Variants in HS6ST3 observed in about 807,000 individuals in gnomAD.
HS6ST3 encodes the protein heparan sulfate 6-O-sulfotransferase 3.
A neutral mutation model predicts 36.7 loss-of-function variants in HS6ST3; 12 were observed. That is an observed-to-expected ratio of 0.33 (90% CI 0.21 to 0.53). The LOEUF (loss-of-function observed/expected upper bound fraction) is 0.53. HS6ST3 is among the 20% of genes least tolerant of loss of function. HS6ST3 has a pLI of 0.95. For missense variants in HS6ST3, 584 were observed against 640.9 expected, an observed-to-expected ratio of 0.91 and a Z score of 0.96; for synonymous variants, 240 against 257.5, an observed-to-expected ratio of 0.93 and a Z score of 0.65.
chr13:96,370,235 TAGGGTGGA>T (rs1315186713), intron 1 of HS6ST3, among the ~76,000 whole-genome samples: 1 of 152,186 alleles, frequency 6.6e-6, no homozygotes, highest in Admixed American at 6.5e-5. Flanking sequence ...AATATACAGC[TAGGGTGGA>T]AAACTAGCTA....
chr13:96,228,951 A>C (rs2054494251), intron 1 of HS6ST3, among the ~76,000 whole-genome samples: 1 of 151,928 alleles, frequency 6.6e-6, no homozygotes, highest in South Asian at 2.1e-4. Context: ...GTGTGAGGAG[A>C]GCAGTGTGGA....
chr13:96,643,165 T>A (rs1283372544), intron 1 of HS6ST3, among the ~76,000 whole-genome samples: 1 of 151,978 alleles, frequency 6.6e-6, no homozygotes, highest in East Asian at 1.9e-4. Flanking sequence ...ACCTTAGTGG[T>A]CAGCTAATGA....
chr13:96,559,442 A>G (rs2056253836), intron 1 of HS6ST3, among the ~76,000 whole-genome samples: 1 of 152,164 alleles, frequency 6.6e-6, no homozygotes, highest in African/African-American at 2.4e-5. Context: ...TTATTAGTCA[A>G]TAAAGCTACA....
intron 1 of HS6ST3, among the ~76,000 whole-genome samples, chr13:96,513,366 C>A (rs1003776707): frequency 6.6e-6 from 1 of 151,928 alleles, no homozygotes; most frequent in Non-Finnish European, 1.5e-5. Context: ...ATTCTTTCCC[C>A]TGTTCTCTGC....
intron 1 of HS6ST3, among the ~76,000 whole-genome samples, chr13:96,279,375 A>G (rs2054763806): frequency 1.3e-5 from 2 of 152,204 alleles, no homozygotes; most frequent in African/African-American, 4.8e-5. Flanking sequence ...TTGGTAAACA[A>G]GGTATATATG....
At chr13:96,152,090 A>G (rs541096390) in intron 1 of HS6ST3, among the ~76,000 whole-genome samples, 16 of 152,270 alleles carry the variant, frequency 1.1e-4, no homozygotes, top group Admixed American at 2.6e-4. Flanking sequence ...AATTTATCCA[A>G]TAATCTATGT....
In HS6ST3 at chr13:96,753,844, G is replaced by A. The variant is rs1594852313; in HGVS notation, c.708-78646G>A. Among the ~76,000 whole-genome samples, 4 of 151,784 alleles carry A rather than the reference G, an allele frequency of 2.6e-5. No individual in the cohort carries two copies. The South Asian group carries it at 6.2e-4, about 24-fold the overall frequency. ...GTTAGAATTTTTTTTTTTTAAGACT[G>A]AGTCTCGCTCTGTTGCCCATGCTGG... is the stretch of plus-strand genomic sequence containing the variant. On this transcript the variant is annotated intron_variant, in intron 1 of 1. Transcript: ENST00000376705.
chr13:96,230,780 G>T (rs950721234), intron 1 of HS6ST3, among the ~76,000 whole-genome samples: 1 of 152,152 alleles, frequency 6.6e-6, no homozygotes, highest in Non-Finnish European at 1.5e-5. Flanking sequence ...GGCAGTATCT[G>T]AGCATGTTCA....
At chr13:96,616,491 A>T (rs2056474795) in intron 1 of HS6ST3, among the ~76,000 whole-genome samples, 2 of 152,102 alleles carry the variant, frequency 1.3e-5, no homozygotes, top group African/African-American at 4.8e-5. Flanking sequence ...TTCCTATGTA[A>T]ATGCTAATGC....
At chr13:96,464,463 TAATACCATGACTTAA>T (rs2055802308) in intron 1 of HS6ST3, among the ~76,000 whole-genome samples, 1 of 152,060 alleles carries the variant, frequency 6.6e-6, no homozygotes, top group South Asian at 2.1e-4. Flanking sequence ...GGTGTTTCAG[TAATACCATGACTTAA>T]AATACCACTT....
Position 96,148,316 on chromosome 13 carries a change from G to A in HS6ST3, c.707+56747G>A, listed in dbSNP as rs528543387. Among the ~76,000 whole-genome samples the A allele has an allele frequency of 5.0e-4, 76 of 152,304 alleles. No individual in the cohort carries two copies. The South Asian group carries it at 6.2e-3, about 12-fold the overall frequency. On this transcript the variant is annotated intron_variant, in intron 1 of 1. Coordinates refer to ENST00000376705, the MANE Select transcript of HS6ST3 (RefSeq NM_153456.4). ...TACTGTTAAGTGCATATTGGACAAA[G>A]CTATATATTCAATGAGAGATTAAAT... is the stretch of plus-strand genomic sequence containing the variant.
rs547071847 is a variant in HS6ST3 at position 96,319,705 on chromosome 13, C to A, written c.707+228136C>A. 2.0e-5 allele frequency among the ~76,000 whole-genome samples: 3 copies of A among 152,304 alleles called. No homozygotes were observed. The South Asian group carries it at 6.2e-4, about 32-fold the overall frequency. On this transcript the variant is annotated intron_variant, in intron 1 of 1. Transcript: ENST00000376705. ...TAGAATAAAAGTCTATACTTAGCTG[C>A]AACATTACAATGTTAACACTAGAAG... is the stretch of plus-strand genomic sequence containing the variant.
chr13:96,260,247 C>A (rs951689180), intron 1 of HS6ST3, among the ~76,000 whole-genome samples: 32 of 148,978 alleles, frequency 2.1e-4, no homozygotes, highest in African/African-American at 7.4e-4. Context: ...TCCTTCCTTC[C>A]TTCCTTCCTT....
At chr13:96,780,263 G>A (rs1021213364) in intron 1 of HS6ST3, among the ~76,000 whole-genome samples, 3 of 152,170 alleles carry the variant, frequency 2.0e-5, no homozygotes, top group African/African-American at 7.2e-5. Flanking sequence ...CACTTTTGGT[G>A]TTATGCCAAG....
At chr13:96,516,093 G>C (rs2056071498) in intron 1 of HS6ST3, among the ~76,000 whole-genome samples, 1 of 148,742 alleles carries the variant, frequency 6.7e-6, no homozygotes, top group South Asian at 2.1e-4. Context: ...ACACAGTCTT[G>C]GTTTGTCAGC....
In HS6ST3 at chr13:96,091,012, C is replaced by G; in HGVS notation, c.150C>G (p.Ala50=). 7.8e-7 allele frequency: 1 copy of G among 1,277,232 alleles called. No homozygotes were observed. Among genetic ancestry groups the G allele is most frequent in the South Asian group, 3.2e-5 (1 of 31,020 alleles). 79.1% of individuals were successfully genotyped at this position (1,277,232 alleles called of 1,614,324 possible). A position where few individuals can be genotyped will look rare whatever the true frequency, so the allele number is the denominator to read the frequency against. ...QPRAGEAGPP[A]VPGPARRAQA... The stretch of plus-strand genomic sequence containing the variant: ...GCGCGGGGGAGGCCGGCCCGCCCGC[C>G]GTCCCGGGTCCCGCCCGCCGGGCTC... Residue 50 remains alanine (A), a synonymous_variant, in exon 1 of 2, where the codon GCC becomes GCG. Coordinates refer to ENST00000376705, the MANE Select transcript of HS6ST3 (RefSeq NM_153456.4).
chr13:96,178,361 A>G (rs901353797), intron 1 of HS6ST3, among the ~76,000 whole-genome samples: 1 of 152,164 alleles, frequency 6.6e-6, no homozygotes, highest in East Asian at 1.9e-4. Flanking sequence ...TTTGGGCTCC[A>G]TGTTGATTGG....
At chr13:96,214,566 C>T (rs547441905) in intron 1 of HS6ST3, among the ~76,000 whole-genome samples, 13 of 152,192 alleles carry the variant, frequency 8.5e-5, no homozygotes, top group South Asian at 2.1e-4. Context: ...TACTAAATAC[C>T]GTGGATGTAC....
intron 1 of HS6ST3, among the ~76,000 whole-genome samples, chr13:96,308,262 G>A (rs534831052): frequency 1.3e-5 from 2 of 152,170 alleles, no homozygotes; most frequent in South Asian, 4.1e-4. Context: ...GAAAGCATTT[G>A]CAATGATCTT....
Sources: allele counts gnomAD v4.1 joint callset (sites outside exome capture counted in the v4.1 genomes callset), GRCh38; gene constraint gnomAD v4.1.1; transcripts MANE v1.5; gene names NCBI Gene and HGNC (gene_info 2026-07-23, HGNC 2026-07-21).